The following TRDMT1 variants were observed in gnomAD, a reference collection of about 807,000 sequenced individuals.
TRDMT1 encodes the protein tRNA (cytosine(38)-C(5))-methyltransferase.
In TRDMT1, 49 loss-of-function variants were observed where a neutral mutation model predicts 51.2. The ratio of observed to expected loss-of-function variants is 0.96; its 90% CI spans 0.76 to 1.21. The LOEUF (loss-of-function observed/expected upper bound fraction) is 1.21. Among genes scored for constraint, TRDMT1 ranks in the 50% most tolerant of loss-of-function variants. The pLI is 0.00. For synonymous variants in TRDMT1, 187 were observed against 164.6 expected (o/e 1.14, Z -1.04); for missense variants, 534 against 462.3 (o/e 1.16, Z -1.42).
intron 3 of TRDMT1, among the ~76,000 whole-genome samples, chr10:17,163,599 G>A (rs1243534185): frequency 6.6e-6 from 1 of 152,024 alleles, no homozygotes; most frequent in East Asian, 1.9e-4. Flanking sequence ...TTTTTGAAAA[G>A]ATCAACAAAA....
chr10:17,193,763 C>T (rs534473551), intron 1 of TRDMT1, among the ~76,000 whole-genome samples: 1 of 152,234 alleles, frequency 6.6e-6, no homozygotes, highest in South Asian at 2.1e-4. Flanking sequence ...CAGTGCTATT[C>T]CTGTCAAACT....
intron 1 of TRDMT1, among the ~76,000 whole-genome samples, chr10:17,197,120 A>ATT (rs35271545): frequency 6.7e-6 from 1 of 150,360 alleles, no homozygotes; most frequent in South Asian, 2.1e-4. Flanking sequence ...AATGTTTTTA[A>ATT]TTTTTTTTTT....
chr10:17,192,387 T>C (rs368536562), intron 1 of TRDMT1, among the ~76,000 whole-genome samples: 89 of 152,330 alleles, frequency 5.8e-4, no homozygotes, highest in African/African-American at 2.1e-3. Flanking sequence ...ACCTGCCTAA[T>C]AGAAATATTA....
chr10:17,145,576 A>T lies in TRDMT1; in HGVS notation c.*3464T>A, dbSNP rs144076807. ...TCAGTGTCATAACTGGTGGCCTAAA[A>T]CAGTTAGAATCCCAAGCCGAAGGCC... On this transcript the variant is annotated 3_prime_UTR_variant, in exon 11 of 11. Transcript: ENST00000377799. 3.5e-4 allele frequency: 348 copies of T among 985,480 alleles called. No individual in the cohort carries two copies. Among genetic ancestry groups the T allele is most frequent in the Non-Finnish European group, 4.0e-4 (333 of 829,934 alleles). 61.0% of individuals were successfully genotyped at this position (985,480 alleles called of 1,614,324 possible). A position where few individuals can be genotyped will look rare whatever the true frequency, so the allele number is the denominator to read the frequency against.
At chr10:17,169,312 G>A (rs1046977372) in intron 2 of TRDMT1, 1 of 1,180,964 alleles carries the variant, frequency 8.5e-7, no homozygotes, top group Non-Finnish European at 1.1e-6. Context: ...ATACCTACCT[G>A]TCAATAATGT....
intron 3 of TRDMT1, among the ~76,000 whole-genome samples, chr10:17,166,235 C>A (rs1452719133): frequency 6.6e-6 from 1 of 151,856 alleles, no homozygotes; most frequent in Non-Finnish European, 1.5e-5. Context: ...ATGGATGAAG[C>A]TGGAAACCAT....
rs895570277 is a variant in TRDMT1 at position 17,141,499 on chromosome 10, C to G, written c.*7541G>C. ...AGGTTTTGCCAAATTTGGGATGTTTCCAGCCATTATTTAAATGCTCTTTCA... is the reference window on the plus strand; with the variant it reads ...AGGTTTTGCCAAATTTGGGATGTTTGCAGCCATTATTTAAATGCTCTTTCA... On this transcript the variant is annotated 3_prime_UTR_variant, in exon 11 of 11. Transcript: ENST00000377799. Among the ~76,000 whole-genome samples, 1 of 119,212 alleles carries G rather than the reference C, an allele frequency of 8.4e-6. No individual in the cohort carries two copies. Among genetic ancestry groups the G allele is most frequent in the Non-Finnish European group, 2.0e-5 (1 of 49,382 alleles). 78.2% of individuals were successfully genotyped at this position (119,212 alleles called of 152,430 possible).
intron 3 of TRDMT1, among the ~76,000 whole-genome samples, chr10:17,164,910 G>C (rs574400409): frequency 8.5e-5 from 13 of 152,246 alleles, no homozygotes; most frequent in African/African-American, 2.9e-4. Context: ...CTCAGGGATA[G>C]GAAGAATCAA....
rs11813099 is a variant in TRDMT1, at chr10:17,141,452, G to A, written c.*7588C>T. Among the ~76,000 whole-genome samples, 44,871 of 151,874 alleles carry A rather than the reference G, an allele frequency of 0.3. 6,839 individuals carry two copies. The highest frequency in any genetic ancestry group is 0.38 in the Middle Eastern group (113 of 294). ...TGGGATTACAGGTGTCAGCCACCGC[G>A]CCCAGCCTCCAGCTGCTTTTAAGGT... is the stretch of plus-strand genomic sequence containing the variant. On this transcript the variant is annotated 3_prime_UTR_variant, in exon 11 of 11. Transcript: ENST00000377799.
chr10:17,198,240 C>T (rs1272280589), intron 1 of TRDMT1, among the ~76,000 whole-genome samples: 1 of 152,154 alleles, frequency 6.6e-6, no homozygotes, highest in Non-Finnish European at 1.5e-5. Flanking sequence ...GGAAAACAGG[C>T]TGGTGGTTCC....
Position 17,145,571 on chromosome 10 carries a change from C to G in TRDMT1, c.*3469G>C. 1.0e-6 allele frequency: 1 copy of G among 985,384 alleles called. No homozygotes were observed. The highest frequency in any genetic ancestry group is 1.2e-6 in the Non-Finnish European group (1 of 829,932). The allele number at this position is 985,384 out of a possible 1,614,324, so 61.0% of individuals were successfully genotyped here. ...GTAAGTCAGTGTCATAACTGGTGGCCTAAAACAGTTAGAATCCCAAGCCGA... is the reference window on the plus strand; with the variant it reads ...GTAAGTCAGTGTCATAACTGGTGGCGTAAAACAGTTAGAATCCCAAGCCGA... On this transcript the variant is annotated 3_prime_UTR_variant, in exon 11 of 11. Coordinates refer to ENST00000377799, the MANE Select transcript of TRDMT1 (RefSeq NM_004412.7).
intron 1 of TRDMT1, among the ~76,000 whole-genome samples, chr10:17,191,971 C>T (rs1844745851): frequency 6.6e-6 from 1 of 152,126 alleles, no homozygotes; most frequent in Non-Finnish European, 1.5e-5. Flanking sequence ...TCGGCCATCA[C>T]CCCCTGACAG....
intron 3 of TRDMT1, among the ~76,000 whole-genome samples, chr10:17,163,212 A>T (rs2131445224): frequency 6.6e-6 from 1 of 152,338 alleles, no homozygotes; most frequent in South Asian, 2.1e-4. Context: ...TACTTGGGCT[A>T]GCAAATAGAT....
intron 1 of TRDMT1, among the ~76,000 whole-genome samples, chr10:17,174,869 T>C (rs561225263): frequency 1.8e-4 from 27 of 152,324 alleles, no homozygotes; most frequent in African/African-American, 5.8e-4. Flanking sequence ...CTAAACAGCA[T>C]TCCAATACTA....
Position 17,140,036 on chromosome 10 carries a change from GC to G in TRDMT1, c.*9003del, listed in dbSNP as rs1437109892. Among the ~76,000 whole-genome samples the G allele has an allele frequency of 2.0e-4, 8 of 39,636 alleles. No homozygotes were observed. Among genetic ancestry groups the G allele is most frequent in the Non-Finnish European group, 3.7e-4 (7 of 18,948 alleles). The allele number at this position is 39,636 out of a possible 152,430, so 26.0% of individuals were successfully genotyped here. A position where few individuals can be genotyped will look rare whatever the true frequency, so the allele number is the denominator to read the frequency against. ...ATATTCTTCCAGTAACATCTAGTGTGCTTTTTTTTTTTTTTTTTTTTTTTTT... is the reference window on the plus strand; with the variant it reads ...ATATTCTTCCAGTAACATCTAGTGTGTTTTTTTTTTTTTTTTTTTTTTTTT... On this transcript the variant is annotated 3_prime_UTR_variant, in exon 11 of 11. Coordinates refer to ENST00000377799, the MANE Select transcript of TRDMT1 (RefSeq NM_004412.7).
At position 17,147,244 on chromosome 10, in the gene TRDMT1, G is replaced by A. The variant is rs1232254280; in HGVS notation, c.*1796C>T. ...TTTGTGATTGTTTACTGAAATTTAT[G>A]AGACTTGTAATAGGCTCTGTCTGAA... On this transcript the variant is annotated 3_prime_UTR_variant, in exon 11 of 11. Transcript: ENST00000377799. 2 of 985,622 alleles carry A rather than the reference G, an allele frequency of 2.0e-6. No homozygotes were observed. Among genetic ancestry groups the A allele is most frequent in the African/African-American group, 1.7e-5 (1 of 57,218 alleles). 61.1% of individuals were successfully genotyped at this position (985,622 alleles called of 1,614,324 possible). A position where few individuals can be genotyped will look rare whatever the true frequency, so the allele number is the denominator to read the frequency against.
intron 2 of TRDMT1, chr10:17,169,391 T>G (rs1368514149): frequency 7.8e-7 from 1 of 1,277,420 alleles, no homozygotes; most frequent in Non-Finnish European, 1.0e-6. Context: ...TAATATATTA[T>G]CAAATGGAAA....
At position 17,162,258 on chromosome 10, in the gene TRDMT1, AAAAAC is replaced by A. The variant is rs745913318; in HGVS notation, c.252-26_252-22del. 7.8e-6 allele frequency: 12 copies of A among 1,532,566 alleles called. No individual in the cohort carries two copies. In the African/African-American group the frequency reaches 8.7e-5, roughly 11 times the overall value. 94.9% of individuals were successfully genotyped at this position (1,532,566 alleles called of 1,614,324 possible). On this transcript the variant is annotated intron_variant, in intron 3 of 10. Transcript: ENST00000377799. ...CAATCCTAAAGGGGTAAAAAAAAAA[AAAAAC>A]AAAAAAAAACACAGAAAGTTTATTA...
Position 17,174,568 on chromosome 10 carries a change from G to C in TRDMT1, c.157C>G (p.Leu53Val). The part of the protein sequence containing the change: ...YKYNFPHTQL[L>V]AKTIEGITLE... ...TTACTCACTTCAATCGTCTTGGCAA[G>C]TAACTGTGTGTGAGGAAAATTATAC... Residue 53 changes from leucine (L) to valine (V), a missense_variant, in exon 2 of 11, where the codon CTT becomes GTT. Physicochemically the swap from Leu to Val is conservative, Grantham distance 32. Transcript: ENST00000377799. 1 of 1,612,482 alleles carries C rather than the reference G, an allele frequency of 6.2e-7. No homozygotes were observed. Among genetic ancestry groups the C allele is most frequent in the South Asian group, 1.1e-5 (1 of 91,000 alleles).
Sources: gnomAD v4.1 joint callset for allele counts (sites outside exome capture counted in the v4.1 genomes callset) on GRCh38, gnomAD v4.1.1 for gene constraint, MANE v1.5 for transcripts, NCBI Gene and HGNC (gene_info 2026-07-23, HGNC 2026-07-21) for gene names.